SCN9A: variants seen among roughly 807,000 people sequenced by gnomAD.
The protein encoded by SCN9A is sodium channel protein type 9 subunit alpha.
A neutral mutation model predicts 187.0 loss-of-function variants in SCN9A; 131 were observed. That is an observed-to-expected ratio of 0.70 (90% CI 0.61 to 0.81). The LOEUF (loss-of-function observed/expected upper bound fraction) is 0.81. Ranked by LOEUF, SCN9A falls within the 30% of genes least tolerant of loss-of-function variation. The pLI is 0.00. For missense variants in SCN9A, 2,252 were observed against 2,396.6 expected (o/e 0.94, Z 1.26); for synonymous variants, 809 against 808.6 (o/e 1.00, Z -0.01).
chr2:166,294,741 T>C, intron 7 of SCN9A, 79 bp from the exon 8 acceptor site: 3 of 917,246 alleles, frequency 3.3e-6, no homozygotes, highest in South Asian at 2.1e-5. Context: ...AATTAATTGA[T>C]ATAGACATTT....
chr2:166,223,825 G>T (rs1694729355), intron 24 of SCN9A, among the ~76,000 whole-genome samples: 2 of 152,030 alleles, frequency 1.3e-5, no homozygotes, highest in African/African-American at 4.8e-5. Flanking sequence ...TCATCACAAA[G>T]CATCTACTAC....
At chr2:166,206,483 G>T (rs550007643) in intron 24 of SCN9A, among the ~76,000 whole-genome samples, 2 of 152,238 alleles carry the variant, frequency 1.3e-5, no homozygotes, top group South Asian at 4.2e-4. Flanking sequence ...ATGGACACAG[G>T]GAGGGGAACA....
At chr2:166,345,532 A>T (rs919310956) in intron 1 of SCN9A, among the ~76,000 whole-genome samples, 1 of 143,278 alleles carries the variant, frequency 7.0e-6, no homozygotes, top group African/African-American at 2.8e-5. Flanking sequence ...TAACAAAAAA[A>T]AGTAGGGAAA....
intron 8 of SCN9A, among the ~76,000 whole-genome samples, chr2:166,294,106 AATATATACAATATTCTT>A (rs1010791305): frequency 1.9e-4 from 29 of 152,158 alleles, no homozygotes; most frequent in Non-Finnish European, 4.1e-4. Flanking sequence ...TGGACAGTTG[AATATATACAATATTCTT>A]ATATATACAA....
In SCN9A at chr2:166,242,645, T is replaced by A. The variant is rs375828897; in HGVS notation, c.3484A>T (p.Arg1162Trp). 2.6e-6 allele frequency: 4 copies of A among 1,549,450 alleles called. No individual in the cohort carries two copies. Among genetic ancestry groups the A allele is most frequent in the African/African-American group, 2.7e-5 (2 of 72,952 alleles). The part of the protein sequence containing the change: ...EACFTDGCVW[R>W]FSCCQVNIES... ...ATGTTAACTTGGCAGCATGAGAACC[T>A]CCATACACAACCTGACAAGAAAGAC... Residue 1162 changes from arginine to tryptophan, a missense_variant, in exon 19 of 27, where the codon AGG becomes TGG. Around this residue, in one of 7 missense-constraint regions of SCN9A, gnomAD observed 313 missense variants for 295.3 expected, o/e 1.06. Coordinates refer to ENST00000642356, the MANE Select transcript of SCN9A (RefSeq NM_001365536.1).
At chr2:166,263,922 A>G (rs2106445503) in intron 17 of SCN9A, among the ~76,000 whole-genome samples, 1 of 152,110 alleles carries the variant, frequency 6.6e-6, no homozygotes, top group African/African-American at 2.4e-5. Flanking sequence ...TAGAGAAATC[A>G]TGGCCTTGCT....
intron 1 of SCN9A, among the ~76,000 whole-genome samples, chr2:166,330,592 C>T (rs565010528): frequency 1.9e-4 from 29 of 152,168 alleles, no homozygotes; most frequent in Non-Finnish European, 2.8e-4. Context: ...CAGTCCCCAA[C>T]CTTCTTGGAA....
Position 166,293,389 on chromosome 2 carries a change from A to T in SCN9A, c.966-17T>A. On this transcript the variant is annotated splice_polypyrimidine_tract_variant and intron_variant, in intron 8 of 26. Transcript: ENST00000642356. ...GGACACTGACTACACACGAGAAAGA[A>T]CATTATAGGTGAGAGTGTCTTCAGG... is the stretch of plus-strand genomic sequence containing the variant. 13 of 1,589,412 alleles carry T rather than the reference A, an allele frequency of 8.2e-6. No homozygotes were observed. The highest frequency in any genetic ancestry group is 1.1e-5 in the Non-Finnish European group (13 of 1,166,354).
intron 10 of SCN9A, among the ~76,000 whole-genome samples, chr2:166,288,082 G>A (rs1287086051): frequency 8.9e-6 from 1 of 112,212 alleles, no homozygotes; most frequent in African/African-American, 3.7e-5. Flanking sequence ...AAAACACATA[G>A]TTCCATGTGT....
At chr2:166,229,529 A>G (rs1387187183) in intron 21 of SCN9A, among the ~76,000 whole-genome samples, 2 of 152,002 alleles carry the variant, frequency 1.3e-5, no homozygotes, top group African/African-American at 2.4e-5. Context: ...TTCTTTTCTT[A>G]TTCTCTTTTT....
intron 6 of SCN9A, chr2:166,304,034 G>A (rs746552388): frequency 1.2e-6 from 2 of 1,612,934 alleles, no homozygotes; most frequent in East Asian, 4.5e-5. Context: ...CTCTCACCTG[G>A]AATGACTGAA....
chr2:166,324,398 G>A (rs1699314652), intron 1 of SCN9A, among the ~76,000 whole-genome samples: 1 of 151,960 alleles, frequency 6.6e-6, no homozygotes, highest in South Asian at 2.1e-4. Context: ...TAAGACAGTG[G>A]ACAAATGTAA....
In SCN9A at chr2:166,221,303, AG is replaced by A. The variant is rs1315845839; in HGVS notation, c.4398+5263del. The stretch of plus-strand genomic sequence containing the variant: ...TAGCATTATTTACTAAAATAAAAAA[AG>A]ATCCTAAAATTCATATGGAACCACA... On this transcript the variant is annotated intron_variant, in intron 24 of 26. Transcript: ENST00000642356. Among the ~76,000 whole-genome samples, 6 of 152,308 alleles carry A rather than the reference AG, an allele frequency of 3.9e-5. No individual in the cohort carries two copies. The East Asian group carries it at 5.8e-4, about 15-fold the overall frequency.
At chr2:166,314,982 A>G (rs1411139877) in intron 1 of SCN9A, among the ~76,000 whole-genome samples, 1 of 152,206 alleles carries the variant, frequency 6.6e-6, no homozygotes, top group Non-Finnish European at 1.5e-5. Context: ...ATTATATCTT[A>G]ATAAAACTAC....
chr2:166,321,302 TTGAGGGCA>T (rs897305023), intron 1 of SCN9A: 15 of 152,090 alleles, frequency 9.9e-5, no homozygotes, highest in Non-Finnish European at 2.2e-4. Context: ...GGTGAATCAC[TTGAGGGCA>T]GGAGTTCAAG....
chr2:166,258,032 A>G (rs1023270533), intron 17 of SCN9A, among the ~76,000 whole-genome samples: 26 of 151,500 alleles, frequency 1.7e-4, no homozygotes, highest in African/African-American at 6.3e-4. Context: ...ATTTCAGGAT[A>G]AAGTTTTGCT....
chr2:166,277,311 C>T lies in SCN9A; in HGVS notation c.2546G>A (p.Trp849Ter). ...LLRVFKLAKS[W>*]PTLNMLIKII... ...CTTAATCAGCATGTTCAATGTTGGC[C>T]AGGATTTTGCCAACTTGAAGACTCG... The change falls in exon 16 of 27, where the codon TGG (tryptophan) becomes TAG (stop). Residue 849 changes from tryptophan to a stop codon, truncating the protein, a stop_gained. Coordinates refer to ENST00000642356, the MANE Select transcript of SCN9A (RefSeq NM_001365536.1). LOFTEE classifies it high-confidence loss of function. 1 of 1,609,114 alleles carries T rather than the reference C, an allele frequency of 6.2e-7. No individual in the cohort carries two copies. Among genetic ancestry groups the T allele is most frequent in the Non-Finnish European group, 8.5e-7 (1 of 1,176,074 alleles).
chr2:166,374,908 C>T (rs1404794775), intron 1 of SCN9A, among the ~76,000 whole-genome samples: 1 of 150,814 alleles, frequency 6.6e-6, no homozygotes, highest in Non-Finnish European at 1.5e-5. Context: ...AATCTATGAA[C>T]GCTCCAACTT....
At chr2:166,366,146 T>A (rs890523585) in intron 1 of SCN9A, among the ~76,000 whole-genome samples, 5 of 152,140 alleles carry the variant, frequency 3.3e-5, no homozygotes, top group African/African-American at 1.2e-4. Flanking sequence ...CCTACACATT[T>A]TGGAGGCCAA....
Sources: allele counts gnomAD v4.1 joint callset (sites outside exome capture counted in the v4.1 genomes callset), GRCh38; gene constraint gnomAD v4.1.1; regional missense constraint gnomAD v4.1.1; transcripts MANE v1.5; gene names NCBI Gene and HGNC (gene_info 2026-07-23, HGNC 2026-07-21).